The following ETS1 variants were observed in gnomAD, a reference collection of about 807,000 sequenced individuals.
ETS1 encodes ETS proto-oncogene 1, transcription factor, also known as protein C-ets-1.
In ETS1, 15 loss-of-function variants were observed where a neutral mutation model predicts 58.6. The ratio of observed to expected loss-of-function variants is 0.26; its 90% confidence interval spans 0.17 to 0.39. ETS1 has a LOEUF of 0.39. Ranked by LOEUF, ETS1 falls within the 10% of genes least tolerant of loss-of-function variation. The pLI is 1.00. For synonymous variants in ETS1, 214 were observed against 218.2 expected, an observed-to-expected ratio of 0.98 and a Z score of 0.17; for missense variants, 417 against 610.5, an observed-to-expected ratio of 0.68 and a Z score of 3.34.
intron 3 of ETS1, among the ~76,000 whole-genome samples, chr11:128,554,385 G>T (rs1238017992): frequency 6.6e-6 from 1 of 151,972 alleles, no homozygotes; most frequent in Non-Finnish European, 1.5e-5. Flanking sequence ...CAAAAGCTGG[G>T]GTGACCCCAG....
intron 3 of ETS1, among the ~76,000 whole-genome samples, chr11:128,553,985 A>G (rs1229795713): frequency 6.6e-6 from 1 of 152,116 alleles, no homozygotes. Flanking sequence ...TATTCAACAC[A>G]TCTCCAAGGA....
intron 5 of ETS1, among the ~76,000 whole-genome samples, chr11:128,487,811 G>A (rs1228878677): frequency 6.6e-6 from 1 of 151,974 alleles, no homozygotes; most frequent in African/African-American, 2.4e-5. Context: ...GGAGATGAGT[G>A]ATACTGAAGA....
rs910493707 is a variant in ETS1 at position 128,549,873 on chromosome 11, G to A, written c.214+6418C>T. Reference sequence around the variant, plus strand: ...TGGCTGGTGAAATGAGGCACAGTGGGCAGATGCTAGCACATTAGCCTTGAG... The same window carrying A: ...TGGCTGGTGAAATGAGGCACAGTGGACAGATGCTAGCACATTAGCCTTGAG... On this transcript the variant is annotated intron_variant, in intron 3 of 9. Transcript: ENST00000392668. The surrounding 1 kb of genome is among the most constrained non-coding windows in gnomAD (Gnocchi z 4.3). Among the ~76,000 whole-genome samples the A allele has an allele frequency of 6.6e-6, 1 of 152,176 alleles. No individual in the cohort carries two copies. The highest frequency in any genetic ancestry group is 1.5e-5 in the Non-Finnish European group (1 of 68,026).
intron 2 of ETS1, among the ~76,000 whole-genome samples, chr11:128,559,704 A>G (rs1864374054): frequency 6.6e-6 from 1 of 152,228 alleles, no homozygotes; most frequent in South Asian, 2.1e-4. Context: ...ACATTTCATG[A>G]ACTGACTTAA....
At chr11:128,522,468 C>T (rs1435560305) in intron 3 of ETS1, 30 of 533,188 alleles carry the variant, frequency 5.6e-5, no homozygotes, top group Non-Finnish European at 6.7e-5. Flanking sequence ...GGGCGGGGAG[C>T]CGGGGGCGGG....
chr11:128,568,719 A>G (rs1207065154), intron 2 of ETS1, among the ~76,000 whole-genome samples: 2 of 152,222 alleles, frequency 1.3e-5, no homozygotes, highest in Admixed American at 1.3e-4. Flanking sequence ...CATGGATTTT[A>G]ACCACTGTGG....
chr11:128,563,720 T>C (rs532547438), intron 2 of ETS1, among the ~76,000 whole-genome samples: 4 of 152,252 alleles, frequency 2.6e-5, no homozygotes, highest in African/African-American at 7.2e-5. Context: ...GCATGAAAGG[T>C]CTTACATTGT....
At chr11:128,489,833 T>C (rs921888586) in intron 4 of ETS1, among the ~76,000 whole-genome samples, 5 of 152,196 alleles carry the variant, frequency 3.3e-5, no homozygotes, top group African/African-American at 9.7e-5. Context: ...ACAGAACAAA[T>C]GGCTTCTTTA....
At chr11:128,532,251 G>A (rs1259781584) in intron 3 of ETS1, among the ~76,000 whole-genome samples, 1 of 152,180 alleles carries the variant, frequency 6.6e-6, no homozygotes, top group Non-Finnish European at 1.5e-5. Context: ...TACCTATGCT[G>A]ACCAGTTGCC....
intron 3 of ETS1, among the ~76,000 whole-genome samples, chr11:128,495,146 G>A (rs984297207): frequency 4.9e-4 from 75 of 152,226 alleles, no homozygotes; most frequent in African/African-American, 1.7e-3. Flanking sequence ...GGAAATCAAG[G>A]CCCTGGGAGA....
intron 3 of ETS1, among the ~76,000 whole-genome samples, chr11:128,512,322 G>A (rs1371400943): frequency 6.6e-6 from 1 of 152,176 alleles, no homozygotes; most frequent in African/African-American, 2.4e-5. Context: ...GATGGATGGA[G>A]ATGAGAAGTG....
chr11:128,563,123 C>T (rs2135565207), intron 2 of ETS1, among the ~76,000 whole-genome samples: 1 of 152,246 alleles, frequency 6.6e-6, no homozygotes, highest in South Asian at 2.1e-4. Flanking sequence ...TCCCTAGTTG[C>T]TCACCTTCTG....
chr11:128,546,661 T>C (rs1032345878), intron 3 of ETS1, among the ~76,000 whole-genome samples: 1 of 151,784 alleles, frequency 6.6e-6, no homozygotes, highest in African/African-American at 2.4e-5. Context: ...TAAAAAAAAT[T>C]TTTTTTTTGC....
chr11:128,569,166 C>T (rs1435522269), intron 2 of ETS1, among the ~76,000 whole-genome samples: 1 of 152,096 alleles, frequency 6.6e-6, no homozygotes, highest in Non-Finnish European at 1.5e-5. Flanking sequence ...ACTCTGATGC[C>T]AGGAGCACCT....
intron 3 of ETS1, among the ~76,000 whole-genome samples, chr11:128,542,508 G>A (rs1864071750): frequency 1.3e-5 from 2 of 151,998 alleles, no homozygotes; most frequent in South Asian, 4.1e-4. Context: ...TTTGATTCAG[G>A]TTTCTGCCAC....
intron 1 of ETS1, among the ~76,000 whole-genome samples, chr11:128,574,496 G>T (rs1864702801): frequency 6.6e-6 from 1 of 152,130 alleles, no homozygotes; most frequent in Non-Finnish European, 1.5e-5. Context: ...AAGATGAATG[G>T]TAGGAAAAGC....
intron 2 of ETS1, among the ~76,000 whole-genome samples, chr11:128,572,511 T>C (rs1864657346): frequency 6.6e-6 from 1 of 152,222 alleles, no homozygotes; most frequent in African/African-American, 2.4e-5. Flanking sequence ...TTGATCAGCA[T>C]ATAGCTTGGG....
intron 3 of ETS1, among the ~76,000 whole-genome samples, chr11:128,527,655 C>T (rs966732798): frequency 6.6e-6 from 1 of 152,166 alleles, no homozygotes; most frequent in Non-Finnish European, 1.5e-5. Flanking sequence ...AACCAACATC[C>T]TTTAATAATA....
At chr11:128,545,537 T>C (rs1206091228) in intron 3 of ETS1, among the ~76,000 whole-genome samples, 2 of 152,158 alleles carry the variant, frequency 1.3e-5, no homozygotes, top group African/African-American at 4.8e-5. Context: ...ACAGGAATAT[T>C]GTAAAAGCAA....
Sources: allele counts gnomAD v4.1 joint callset (sites outside exome capture counted in the v4.1 genomes callset), GRCh38; gene constraint gnomAD v4.1.1; non-coding constraint Gnocchi (gnomAD v3.1); transcripts MANE v1.5; gene names NCBI Gene and HGNC (gene_info 2026-07-23, HGNC 2026-07-21).